Variants in XPR1 observed in about 807,000 individuals in gnomAD.
XPR1 encodes solute carrier family 53 member 1.
A neutral mutation model predicts 87.5 loss-of-function variants in XPR1; 28 were observed. The ratio of observed to expected loss-of-function variants is 0.32; its 90% CI spans 0.24 to 0.44. The LOEUF (loss-of-function observed/expected upper bound fraction) is 0.44. Ranked by LOEUF, XPR1 falls within the 20% of genes least tolerant of loss-of-function variation. The pLI, the probability that XPR1 is intolerant of heterozygous loss-of-function variation, is 1.00. For synonymous variants in XPR1, 300 were observed against 306.1 expected (o/e 0.98, Z 0.21); for missense variants, 559 against 862.3 (o/e 0.65, Z 4.41).
chr1:180,830,167 G>A (rs73034738), intron 9 of XPR1, among the ~76,000 whole-genome samples: 6,541 of 152,158 alleles, frequency 0.043, 499 homozygotes, highest in African/African-American at 0.15. Context: ...AAATATTACA[G>A]AAACTGGTGC....
intron 11 of XPR1, among the ~76,000 whole-genome samples, chr1:180,855,659 T>A: frequency 7.2e-6 from 1 of 138,344 alleles, no homozygotes; most frequent in African/African-American, 2.7e-5. Flanking sequence ...TGAGACTGTG[T>A]CTCAAAAAAA....
At chr1:180,814,197 A>C (rs1449807192) in intron 7 of XPR1, among the ~76,000 whole-genome samples, 1 of 152,158 alleles carries the variant, frequency 6.6e-6, no homozygotes, top group Non-Finnish European at 1.5e-5. Flanking sequence ...TATGAATTTT[A>C]CCTATTAACA....
Position 180,684,375 on chromosome 1 carries a change from G to A in XPR1, c.121+1964G>A, listed in dbSNP as rs571195187. Among the ~76,000 whole-genome samples the A allele has an allele frequency of 2.6e-5, 4 of 152,240 alleles. No individual in the cohort carries two copies. In the East Asian group the frequency reaches 7.7e-4, roughly 29 times the overall value. Reference sequence around the variant, plus strand: ...TGCTGTTTTGGTCCAGTACCATGCTGTTTTGGTTACTGTAGCCTTGTAGTA... The same window carrying A: ...TGCTGTTTTGGTCCAGTACCATGCTATTTTGGTTACTGTAGCCTTGTAGTA... On this transcript the variant is annotated intron_variant, in intron 2 of 14. Transcript: ENST00000367590.
At position 180,840,005 on chromosome 1, in the gene XPR1, T is replaced by C. The variant is rs964832634; in HGVS notation, c.1501+3289T>C. ...TTGGGAGGCCGAGGCGGGTGGATCA[T>C]GAGGTCAGGAGATCGAGACCATCCT... On this transcript the variant is annotated intron_variant, in intron 11 of 14. Transcript: ENST00000367590. Among the ~76,000 whole-genome samples, 4 of 151,334 alleles carry C rather than the reference T, an allele frequency of 2.6e-5. No homozygotes were observed. The South Asian group carries it at 8.4e-4, about 32-fold the overall frequency.
At chr1:180,690,027 A>G (rs1656925938) in intron 2 of XPR1, among the ~76,000 whole-genome samples, 1 of 151,966 alleles carries the variant, frequency 6.6e-6, no homozygotes, top group East Asian at 1.9e-4. Flanking sequence ...GTGGTGGCGC[A>G]TGCCTGTAAA....
chr1:180,763,508 T>A (rs1648133414), intron 2 of XPR1, among the ~76,000 whole-genome samples: 1 of 152,184 alleles, frequency 6.6e-6, no homozygotes, highest in South Asian at 2.1e-4. Flanking sequence ...ATTTTTAACA[T>A]CAGTACTGAG....
chr1:180,880,597 G>C (rs1652821857), intron 14 of XPR1, among the ~76,000 whole-genome samples: 1 of 152,152 alleles, frequency 6.6e-6, no homozygotes, highest in Non-Finnish European at 1.5e-5. Context: ...TCTGTGTGTT[G>C]TGTATGCAAA....
intron 4 of XPR1, 25 bp from the exon 5 acceptor site, chr1:180,806,037 T>C (rs745438137): frequency 1.2e-6 from 2 of 1,607,108 alleles, no homozygotes; most frequent in Non-Finnish European, 1.7e-6. Context: ...GAAATTATAG[T>C]TGTGTTTCTC....
intron 11 of XPR1, among the ~76,000 whole-genome samples, chr1:180,842,006 C>G (rs1651532991): frequency 6.6e-6 from 1 of 152,090 alleles, no homozygotes; most frequent in Non-Finnish European, 1.5e-5. Context: ...AATTTGATTT[C>G]TGTTATTTTC....
At chr1:180,785,144 T>G (rs1649092565) in intron 2 of XPR1, among the ~76,000 whole-genome samples, 1 of 151,608 alleles carries the variant, frequency 6.6e-6, no homozygotes, top group Non-Finnish European at 1.5e-5. Flanking sequence ...AAACAATCTC[T>G]CTCTCTCTTT....
chr1:180,784,868 A>G (rs964226306), intron 2 of XPR1, among the ~76,000 whole-genome samples: 2 of 152,018 alleles, frequency 1.3e-5, no homozygotes, highest in Admixed American at 6.6e-5. Context: ...TACTAAAAGT[A>G]TACTTTTAAT....
intron 11 of XPR1, among the ~76,000 whole-genome samples, chr1:180,851,927 T>C (rs1467912493): frequency 6.6e-6 from 1 of 151,790 alleles, no homozygotes; most frequent in Non-Finnish European, 1.5e-5. Flanking sequence ...ACTTTCTTGA[T>C]TACATCAGTC....
In XPR1 at chr1:180,762,341, GAAGA is replaced by G. The variant is rs369312730; in HGVS notation, c.122-25409_122-25406del. ...ATATTTTACCTCAATAAAACATGAA[GAAGA>G]AACAGAAATATAAACTGTTGAAGTT... On this transcript the variant is annotated intron_variant, in intron 2 of 14. Transcript: ENST00000367590. Among the ~76,000 whole-genome samples the G allele has an allele frequency of 7.8e-3, 1,182 of 152,112 alleles. 16 individuals carry two copies. Among genetic ancestry groups the G allele is most frequent in the African/African-American group, 0.027 (1,129 of 41,498 alleles).
chr1:180,681,997 A>T (rs1656593271), intron 1 of XPR1, among the ~76,000 whole-genome samples: 1 of 152,222 alleles, frequency 6.6e-6, no homozygotes, highest in Admixed American at 6.5e-5. Context: ...ACTTGTATCC[A>T]GTTCCTGATA....
chr1:180,673,036 A>G (rs1440010953), intron 1 of XPR1, among the ~76,000 whole-genome samples: 2 of 152,208 alleles, frequency 1.3e-5, no homozygotes, highest in East Asian at 1.9e-4. Flanking sequence ...TGAGAGCAAC[A>G]TAACAGTAGA....
intron 7 of XPR1, 78 bp from the exon 8 acceptor site, chr1:180,824,675 G>T: frequency 7.8e-7 from 1 of 1,281,540 alleles, no homozygotes; most frequent in South Asian, 1.4e-5. Flanking sequence ...CTATATCATT[G>T]AGAATGAAGA....
intron 2 of XPR1, among the ~76,000 whole-genome samples, chr1:180,727,840 TC>T (rs1206341570): frequency 5.3e-5 from 8 of 152,230 alleles, no homozygotes; most frequent in African/African-American, 1.9e-4. Flanking sequence ...TCTTGATGTT[TC>T]TATGGCATTT....
chr1:180,772,089 CATTT>C (rs113368239), intron 2 of XPR1, among the ~76,000 whole-genome samples: 4 of 152,026 alleles, frequency 2.6e-5, no homozygotes, highest in Non-Finnish European at 2.9e-5. Flanking sequence ...CTTTCTCACA[CATTT>C]ATTCAGTTAT....
intron 7 of XPR1, among the ~76,000 whole-genome samples, chr1:180,815,706 A>G (rs577072225): frequency 2.6e-5 from 4 of 152,214 alleles, no homozygotes; most frequent in Non-Finnish European, 4.4e-5. Context: ...ACTAACATAT[A>G]TAACTTAATT....
Sources: allele counts gnomAD v4.1 joint callset (sites outside exome capture counted in the v4.1 genomes callset), GRCh38; gene constraint gnomAD v4.1.1; transcripts MANE v1.5; gene names NCBI Gene and HGNC (gene_info 2026-07-23, HGNC 2026-07-21).